CC2D2A: variants seen among roughly 807,000 people sequenced by gnomAD.
CC2D2A encodes coiled-coil and C2 domain-containing protein 2A.
Under a neutral mutation model 212.9 loss-of-function variants are expected in CC2D2A, and 155 were observed. The observed-to-expected ratio is 0.73, with a 90% CI of 0.64 to 0.83. The LOEUF (loss-of-function observed/expected upper bound fraction) is 0.83, where lower values mean the gene tolerates loss of function less well. CC2D2A is among the 40% of genes least tolerant of loss of function. The probability of loss-of-function intolerance (pLI) is 0.00; values close to 1 mark genes in which losing one functional copy is unlikely to be tolerated. For missense variants in CC2D2A, 1,856 were observed against 1,956.2 expected, an observed-to-expected ratio of 0.95 and a Z score of 0.97; for synonymous variants, 667 against 686.5, an observed-to-expected ratio of 0.97 and a Z score of 0.44.
In CC2D2A at chr4:15,524,672, C is replaced by A. The variant is rs540828157; in HGVS notation, c.1150-2775C>A. Among the ~76,000 whole-genome samples, 268 of 143,282 alleles carry A rather than the reference C, an allele frequency of 1.9e-3. 1 individual carries two copies. The highest frequency in any genetic ancestry group is 6.4e-3 in the African/African-American group (248 of 38,488). 94.0% of individuals were successfully genotyped at this position (143,282 alleles called of 152,430 possible). A position where few individuals can be genotyped will look rare whatever the true frequency, so the allele number is the denominator to read the frequency against. On this transcript the variant is annotated intron_variant, in intron 11 of 36. Coordinates refer to ENST00000424120, the MANE Select transcript of CC2D2A (RefSeq NM_001378615.1). ...TTCACCGTGTTAGCCAGGATGGTCT[C>A]GATCTCCTGACCTCGTGATCTGCCC...
At chr4:15,482,021 AC>A (rs1714702309) in intron 4 of CC2D2A, 1 of 985,238 alleles carries the variant, frequency 1.0e-6, no homozygotes, top group African/African-American at 1.7e-5. Context: ...GAAAATGACC[AC>A]CCTTCAGGCA....
chr4:15,521,908 G>A (rs1717224479), intron 11 of CC2D2A, among the ~76,000 whole-genome samples: 1 of 152,140 alleles, frequency 6.6e-6, no homozygotes, highest in African/African-American at 2.4e-5. Flanking sequence ...ATCAAAAGTT[G>A]GCAATTACAG....
chr4:15,475,130 C>T (rs1248430357), intron 1 of CC2D2A, among the ~76,000 whole-genome samples: 5 of 152,044 alleles, frequency 3.3e-5, no homozygotes, highest in African/African-American at 9.7e-5. Context: ...AAAAATTAGC[C>T]GGGCGTGGTG....
chr4:15,495,006 A>T (rs73235018), intron 4 of CC2D2A, among the ~76,000 whole-genome samples: 2,631 of 152,298 alleles, frequency 0.017, 27 homozygotes, highest in Non-Finnish European at 0.028. Flanking sequence ...TGGTATACAG[A>T]TCATTTTGTC....
chr4:15,562,727 CAG>C (rs1197099409), intron 23 of CC2D2A, among the ~76,000 whole-genome samples: 5 of 152,220 alleles, frequency 3.3e-5, no homozygotes, highest in African/African-American at 1.2e-4. Flanking sequence ...GATGATGAAA[CAG>C]AGACTTAAAG....
At chr4:15,552,904 C>T (rs965538903) in intron 18 of CC2D2A, among the ~76,000 whole-genome samples, 3 of 152,224 alleles carry the variant, frequency 2.0e-5, no homozygotes, top group East Asian at 1.9e-4. Flanking sequence ...TCCAAGGTCA[C>T]AAAGCTGTGA....
intron 4 of CC2D2A, among the ~76,000 whole-genome samples, chr4:15,499,325 G>A (rs1451515107): frequency 1.3e-5 from 2 of 152,134 alleles, no homozygotes; most frequent in African/African-American, 2.4e-5. Context: ...TCTGGTGGTG[G>A]GTGCAATCAT....
chr4:15,563,285 G>T, intron 23 of CC2D2A, 70 bp from the exon 24 acceptor site: 1 of 1,451,944 alleles, frequency 6.9e-7, no homozygotes. Context: ...GGCAGAGTTC[G>T]GGAAGTCGTC....
Position 15,599,722 on chromosome 4 carries a change from A to C in CC2D2A, c.4674+16A>C. On this transcript the variant is annotated intron_variant, in intron 36 of 36. Coordinates refer to ENST00000424120, the MANE Select transcript of CC2D2A (RefSeq NM_001378615.1). ...AGACTACAGGGTAAGTTACAAATGG[A>C]TCCTAAACTGACTGTGGATTTCCTT... 6.4e-7 allele frequency: 1 copy of C among 1,563,086 alleles called. No homozygotes were observed. Among genetic ancestry groups the C allele is most frequent in the Non-Finnish European group, 8.7e-7 (1 of 1,145,300 alleles).
At chr4:15,479,418 C>A (rs1714473727) in intron 3 of CC2D2A, 4 of 1,063,386 alleles carry the variant, frequency 3.8e-6, no homozygotes, top group Non-Finnish European at 4.2e-6. Flanking sequence ...AATCAAGATG[C>A]CAGCAGGGGA....
chr4:15,537,480 AAACTGAGTCCAAGGGC>A (rs1379583840), intron 15 of CC2D2A, among the ~76,000 whole-genome samples: 11 of 152,218 alleles, frequency 7.2e-5, no homozygotes, highest in Admixed American at 5.2e-4. Context: ...TGACCCTACA[AAACTGAGTCCAAGGGC>A]AACAAATAAT....
chr4:15,598,088 A>G lies in CC2D2A; in HGVS notation c.4496+623A>G, dbSNP rs1049007900. 2.6e-5 allele frequency among the ~76,000 whole-genome samples: 4 copies of G among 152,170 alleles called. No homozygotes were observed. The South Asian group carries it at 6.2e-4, about 24-fold the overall frequency. On this transcript the variant is annotated intron_variant, in intron 35 of 36. Coordinates refer to ENST00000424120, the MANE Select transcript of CC2D2A (RefSeq NM_001378615.1). Reference sequence around the variant, plus strand: ...ATCGGTTTACACTCATTTACTCTCAATTTCTCCATAATGCCTTATTCAAGA... The same window carrying G: ...ATCGGTTTACACTCATTTACTCTCAGTTTCTCCATAATGCCTTATTCAAGA...
chr4:15,558,421 A>C (rs1456184965), intron 21 of CC2D2A, among the ~76,000 whole-genome samples: 3 of 152,082 alleles, frequency 2.0e-5, no homozygotes, highest in Non-Finnish European at 2.9e-5. Context: ...ATATCTAAAA[A>C]CGTGTGAATG....
intron 11 of CC2D2A, among the ~76,000 whole-genome samples, chr4:15,517,846 AAGG>A (rs1312385945): frequency 6.6e-6 from 1 of 152,232 alleles, no homozygotes; most frequent in Non-Finnish European, 1.5e-5. Context: ...GGCAAAAGGC[AAGG>A]AGGAGCAAGT....
chr4:15,500,582 A>G (rs888955460), intron 4 of CC2D2A, among the ~76,000 whole-genome samples: 4 of 152,118 alleles, frequency 2.6e-5, no homozygotes, highest in Non-Finnish European at 4.4e-5. Context: ...GCATTAAGTG[A>G]TAGTTGGGGG....
chr4:15,579,895 G>A, intron 29 of CC2D2A, 73 bp from the exon 30 acceptor site: 12 of 1,196,114 alleles, frequency 1.0e-5, no homozygotes, highest in Non-Finnish European at 1.5e-5. Flanking sequence ...CCTGCATGTT[G>A]ACTGTGGAAT....
At chr4:15,583,247 G>C (rs1391838645) in intron 30 of CC2D2A, among the ~76,000 whole-genome samples, 1 of 152,162 alleles carries the variant, frequency 6.6e-6, no homozygotes, top group South Asian at 2.1e-4. Flanking sequence ...ACAGTGAAAA[G>C]TTGAAAAGTT....
At chr4:15,509,570 G>A (rs987717461) in intron 6 of CC2D2A, among the ~76,000 whole-genome samples, 1 of 152,162 alleles carries the variant, frequency 6.6e-6, no homozygotes, top group South Asian at 2.1e-4. Flanking sequence ...CACTGCATCT[G>A]GACAACAGTT....
At chr4:15,515,765 C>A (rs1716832928) in intron 9 of CC2D2A, 103 bp from the exon 10 acceptor site, 2 of 1,211,352 alleles carry the variant, frequency 1.7e-6, no homozygotes, top group Admixed American at 2.8e-5. Context: ...TTTGCATTTT[C>A]TAAGAACATA....
Sources: gnomAD v4.1 joint callset for allele counts (sites outside exome capture counted in the v4.1 genomes callset) on GRCh38, gnomAD v4.1.1 for gene constraint, MANE v1.5 for transcripts, NCBI Gene and HGNC (gene_info 2026-07-23, HGNC 2026-07-21) for gene names.